Variants in GCNT1 observed in about 807,000 individuals in gnomAD.
GCNT1 encodes glucosaminyl (N-acetyl) transferase 1, also known as beta-1,3-galactosyl-O-glycosyl-glycoprotein beta-1,6-N-acetylglucosaminyltransferase.
Under a neutral mutation model 26.2 loss-of-function variants are expected in GCNT1, and 16 were observed. The ratio of observed to expected loss-of-function variants is 0.61; its 90% confidence interval spans 0.41 to 0.93. GCNT1 has a LOEUF of 0.93. Ranked by LOEUF, GCNT1 falls within the 40% of genes least tolerant of loss-of-function variation. The pLI is 0.00. For synonymous variants in GCNT1, 183 were observed against 190.8 expected (o/e 0.96, Z 0.34); for missense variants, 477 against 526.7 (o/e 0.91, Z 0.92).
chr9:76,408,577 C>T, the GCNT1 span, among the ~76,000 whole-genome samples: 1 of 152,128 alleles, frequency 6.6e-6, no homozygotes, highest in Non-Finnish European at 1.5e-5. Flanking sequence ...CATCTATATT[C>T]ATGAGATACT....
chr9:76,485,757 G>T (rs1476039812), intron 2 of GCNT1, among the ~76,000 whole-genome samples: 1 of 150,408 alleles, frequency 6.6e-6, no homozygotes, highest in African/African-American at 2.4e-5. Context: ...TTGAGACAAG[G>T]TCTCACTCTG....
At chr9:76,428,751 A>G (rs986051337) in intron 1 of GCNT1, among the ~76,000 whole-genome samples, 1 of 137,946 alleles carries the variant, frequency 7.2e-6, no homozygotes, top group Non-Finnish European at 1.5e-5. Context: ...CCCAGGCTGG[A>G]GTGCAATGGC....
chr9:76,454,842 CT>C (rs1183951605), upstream of GCNT1, among the ~76,000 whole-genome samples: 610 of 105,626 alleles, frequency 5.8e-3, 3 homozygotes, highest in Middle Eastern at 0.018. Context: ...CTTTTCTTTT[CT>C]TTTTTTTTTT....
chr9:76,400,589 C>T, the GCNT1 span, among the ~76,000 whole-genome samples: 3 of 152,242 alleles, frequency 2.0e-5, no homozygotes, highest in Admixed American at 2.0e-4. Context: ...TCCTCAGCTC[C>T]TGCCTCTACA....
At position 76,504,549 on chromosome 9, in the gene GCNT1, G is replaced by C. The variant is rs2131650290; in HGVS notation, c.*881G>C. The stretch of plus-strand genomic sequence containing the variant: ...TATCTGACTGCCAGTAATTAGTGCA[G>C]AAAACTAAGACAGGATGATACAGGT... On this transcript the variant is annotated 3_prime_UTR_variant, in exon 4 of 4. Transcript: ENST00000376730. 1 of 397,586 alleles carries C rather than the reference G, an allele frequency of 2.5e-6. No individual in the cohort carries two copies. Among genetic ancestry groups the C allele is most frequent in the East Asian group, 3.7e-5 (1 of 27,004 alleles). The allele number at this position is 397,586 out of a possible 1,614,324, so 24.6% of individuals were successfully genotyped here. A position where few individuals can be genotyped will look rare whatever the true frequency, so the allele number is the denominator to read the frequency against.
At chr9:76,499,050 A>AT (rs34354937) in intron 2 of GCNT1, among the ~76,000 whole-genome samples, 34,345 of 150,554 alleles carry the variant, frequency 0.23, 4,131 homozygotes, top group Middle Eastern at 0.27. Context: ...GCTAGTGATA[A>AT]TTTTTTTTTT....
At chr9:76,426,567 CA>C (rs975682931) in intron 1 of GCNT1, among the ~76,000 whole-genome samples, 3 of 148,132 alleles carry the variant, frequency 2.0e-5, no homozygotes, top group African/African-American at 5.0e-5. Flanking sequence ...GATCGTGTCT[CA>C]AAAAAAAAGA....
the GCNT1 span, among the ~76,000 whole-genome samples, chr9:76,410,872 G>T: frequency 4.6e-5 from 7 of 152,124 alleles, no homozygotes; most frequent in Non-Finnish European, 8.8e-5. Context: ...CAACTTTGTT[G>T]TTAGGCACAT....
At chr9:76,400,593 C>G in the GCNT1 span, among the ~76,000 whole-genome samples, 6 of 152,244 alleles carry the variant, frequency 3.9e-5, no homozygotes, top group African/African-American at 1.4e-4. Context: ...CAGCTCCTGC[C>G]TCTACATTCT....
intron 2 of GCNT1, among the ~76,000 whole-genome samples, chr9:76,487,353 C>T (rs560304291): frequency 2.8e-4 from 43 of 152,192 alleles, no homozygotes; most frequent in African/African-American, 1.0e-3. Flanking sequence ...ACAGCAGCCT[C>T]TGGGACACTG....
rs566634442 is a variant in GCNT1 at position 76,429,808 on chromosome 9, G to A, written n.38+9921G>A. On this transcript the variant is annotated intron_variant and non_coding_transcript_variant, in intron 1 of 3. Coordinates refer to the GCNT1 transcript ENST00000488136. ...CGGCTCACTGCAAGCTCCGCCTCCCGGGTTCCTGCCATCCTCCTGCCTCAG... is the reference window on the plus strand; with the variant it reads ...CGGCTCACTGCAAGCTCCGCCTCCCAGGTTCCTGCCATCCTCCTGCCTCAG... Among the ~76,000 whole-genome samples, 25 of 150,190 alleles carry A rather than the reference G, an allele frequency of 1.7e-4. No homozygotes were observed. In the South Asian group the frequency reaches 3.6e-3, roughly 21 times the overall value.
chr9:76,394,110 T>C, the GCNT1 span: 3 of 1,608,736 alleles, frequency 1.9e-6, no homozygotes, highest in Non-Finnish European at 1.7e-6. Context: ...GCCCAGCTGC[T>C]TGGAGCCGCG....
chr9:76,490,347 CA>C (rs1470644655), intron 2 of GCNT1, among the ~76,000 whole-genome samples: 1 of 152,136 alleles, frequency 6.6e-6, no homozygotes, highest in East Asian at 1.9e-4. Context: ...TTATTTCTTG[CA>C]AACTGTATGA....
chr9:76,479,564 G>A (rs1442501176), intron 2 of GCNT1, among the ~76,000 whole-genome samples: 1 of 152,224 alleles, frequency 6.6e-6, no homozygotes, highest in Non-Finnish European at 1.5e-5. Flanking sequence ...TAACTGGTGT[G>A]AGATGGTATC....
upstream of GCNT1, among the ~76,000 whole-genome samples, chr9:76,417,172 T>C (rs1240142766): frequency 6.6e-6 from 1 of 152,250 alleles, no homozygotes; most frequent in Non-Finnish European, 1.5e-5. Flanking sequence ...CTCATGAAAT[T>C]ATTTGCTTTA....
chr9:76,484,023 C>T (rs1334835065), intron 2 of GCNT1, among the ~76,000 whole-genome samples: 1 of 152,128 alleles, frequency 6.6e-6, no homozygotes, highest in Admixed American at 6.5e-5. Flanking sequence ...TTAAAAAAAT[C>T]ACTGAGGATC....
chr9:76,431,788 C>T (rs921789191), intron 1 of GCNT1, among the ~76,000 whole-genome samples: 9 of 152,126 alleles, frequency 5.9e-5, no homozygotes, highest in Non-Finnish European at 1.3e-4. Flanking sequence ...ATTAATACCT[C>T]ATTAACACAA....
intron 1 of GCNT1, among the ~76,000 whole-genome samples, chr9:76,452,408 C>T (rs1333047529): frequency 6.6e-6 from 1 of 152,102 alleles, no homozygotes; most frequent in Non-Finnish European, 1.5e-5. Context: ...GATCTAGGTA[C>T]TTATATTAGA....
Position 76,504,018 on chromosome 9 carries a change from A to C in GCNT1, c.*350A>C, listed in dbSNP as rs756453881. Reference sequence around the variant, plus strand: ...CTCAGGGACTTAGCAAAATGAGAAGATGTGACCTGTGCCAAAACTATTTTG... The same window carrying C: ...CTCAGGGACTTAGCAAAATGAGAAGCTGTGACCTGTGCCAAAACTATTTTG... On this transcript the variant is annotated 3_prime_UTR_variant, in exon 4 of 4. Coordinates refer to ENST00000376730, the MANE Select transcript of GCNT1 (RefSeq NM_001490.5). 3.3e-5 allele frequency: 8 copies of C among 245,832 alleles called. No individual in the cohort carries two copies. Among genetic ancestry groups the C allele is most frequent in the Non-Finnish European group, 6.9e-5 (8 of 115,902 alleles). 15.2% of individuals were successfully genotyped at this position (245,832 alleles called of 1,614,324 possible). A position where few individuals can be genotyped will look rare whatever the true frequency, so the allele number is the denominator to read the frequency against.
Sources: allele counts gnomAD v4.1 joint callset (sites outside exome capture counted in the v4.1 genomes callset), GRCh38; gene constraint gnomAD v4.1.1; transcripts MANE v1.5; gene names NCBI Gene and HGNC (gene_info 2026-07-23, HGNC 2026-07-21).